DNAH6: variants seen among roughly 807,000 people sequenced by gnomAD.
DNAH6 encodes dynein axonemal heavy chain 6.
DNAH6 carries 340 observed loss-of-function variants against 491.4 expected under a neutral mutation model. That is an observed-to-expected ratio of 0.69 (90% CI 0.63 to 0.76). DNAH6 has a LOEUF of 0.76. Among genes scored for constraint, DNAH6 ranks in the 30% least tolerant of loss-of-function variants. The probability of loss-of-function intolerance (pLI) is 0.00; values close to 1 mark genes in which losing one functional copy is unlikely to be tolerated. For synonymous variants in DNAH6, 1,603 were observed against 1,686.1 expected (o/e 0.95, Z 1.21); for missense variants, 4,443 against 4,972.2 (o/e 0.89, Z 3.20).
chr2:84,625,141 A>G (rs1404985994), intron 29 of DNAH6, 78 bp downstream of exon 29: 2 of 1,309,752 alleles, frequency 1.5e-6, no homozygotes, highest in African/African-American at 3.0e-5. Flanking sequence ...ATAACAAAAT[A>G]AGGCAAGAAT....
rs761223623 is a variant in DNAH6, at chr2:84,681,362, C to G, written c.6750C>G (p.Ile2250Met). The change falls in exon 42 of 77, where the codon ATC becomes ATG. Residue 2250 changes from isoleucine to methionine, a missense_variant. Ile to Met is a conservative substitution (Grantham distance 10). Around this residue, in one of 3 missense-constraint regions of DNAH6, gnomAD observed 2,977 missense variants for 3,296.6 expected, o/e 0.90. Coordinates refer to ENST00000389394, the MANE Select transcript of DNAH6 (RefSeq NM_001370.2). ...TATTATGTTTCTGGTTCTAGGCCAT[C>G]TTAAATGGTTTCCTGAGTGACTTTC... ...EHSLKQIFQA[I>M]LNGFLSDFPP... The G allele has an allele frequency of 9.7e-6, 15 of 1,541,660 alleles. No homozygotes were observed. The South Asian group carries it at 1.8e-4, about 19-fold the overall frequency.
chr2:84,808,374 T>A, intron 71 of DNAH6, 41 bp from the exon 72 acceptor site: 2 of 1,472,906 alleles, frequency 1.4e-6, no homozygotes, highest in Non-Finnish European at 1.8e-6. Flanking sequence ...TGAGAACAAA[T>A]CAATGGTGAC....
intron 21 of DNAH6, among the ~76,000 whole-genome samples, chr2:84,610,749 G>T (rs1395942990): frequency 1.3e-5 from 2 of 152,200 alleles, no homozygotes; most frequent in African/African-American, 4.8e-5. Flanking sequence ...TGCCAACTTT[G>T]TTTCAAAGAG....
the DNAH6 span, among the ~76,000 whole-genome samples, chr2:84,471,499 A>G: frequency 6.6e-6 from 1 of 152,174 alleles, no homozygotes; most frequent in Non-Finnish European, 1.5e-5. Context: ...TTCCTGCCTA[A>G]CTATTAGGGT....
chr2:84,636,894 CA>C (rs34526526), intron 30 of DNAH6, among the ~76,000 whole-genome samples: 43 of 143,818 alleles, frequency 3.0e-4, no homozygotes, highest in East Asian at 6.0e-4. Context: ...GACCCTGTCT[CA>C]AAAAAAAAAA....
chr2:84,713,825 G>C (rs1389675884), intron 57 of DNAH6, among the ~76,000 whole-genome samples: 1 of 152,132 alleles, frequency 6.6e-6, no homozygotes, highest in East Asian at 1.9e-4. Flanking sequence ...ATGATCTAGA[G>C]GTCCAGTGTC....
At chr2:84,628,959 G>A (rs1336850847) in intron 29 of DNAH6, among the ~76,000 whole-genome samples, 2 of 152,072 alleles carry the variant, frequency 1.3e-5, no homozygotes, top group Non-Finnish European at 2.9e-5. Context: ...TTCTGAATTT[G>A]GGGGTTATTA....
At chr2:84,741,502 T>A (rs916199922) in intron 62 of DNAH6, among the ~76,000 whole-genome samples, 3 of 152,086 alleles carry the variant, frequency 2.0e-5, no homozygotes, top group African/African-American at 7.2e-5. Flanking sequence ...CAGCCCAGCA[T>A]TAAACTCTCA....
chr2:84,591,156 T>C (rs1417871113), intron 16 of DNAH6, among the ~76,000 whole-genome samples: 1 of 152,012 alleles, frequency 6.6e-6, no homozygotes, highest in East Asian at 1.9e-4. Flanking sequence ...TGTCTTGGAG[T>C]AGTGACAGGA....
intron 65 of DNAH6, among the ~76,000 whole-genome samples, chr2:84,782,219 G>A (rs916737665): frequency 2.0e-5 from 3 of 152,166 alleles, no homozygotes; most frequent in Admixed American, 6.5e-5. Flanking sequence ...AAGAGAGGAA[G>A]TGGAATTAGA....
At chr2:84,485,789 T>C in the DNAH6 span, among the ~76,000 whole-genome samples, 2 of 151,874 alleles carry the variant, frequency 1.3e-5, no homozygotes, top group Non-Finnish European at 2.9e-5. Flanking sequence ...TGAATTGATA[T>C]TTCTTTGGGA....
chr2:84,786,427 A>G (rs1327301729), intron 67 of DNAH6, among the ~76,000 whole-genome samples: 3 of 92,240 alleles, frequency 3.3e-5, no homozygotes, highest in African/African-American at 1.3e-4. Context: ...TCTGTCTCAA[A>G]AAAAAAAAAA....
chr2:84,476,067 C>CT, the DNAH6 span, among the ~76,000 whole-genome samples: 1 of 152,326 alleles, frequency 6.6e-6, no homozygotes, highest in South Asian at 2.1e-4. Context: ...AGGTTTTAAA[C>CT]TGCAAGTACT....
At position 84,677,056 on chromosome 2, in the gene DNAH6, G is replaced by T. The variant is rs1191592361; in HGVS notation, c.6664G>T (p.Val2222Leu). ...CAPPGGGRNP[V>L]TPRFIRHFSM... is the part of the protein sequence containing the mutation. ...ACCTCCAGGCGGTGGCCGCAACCCTGTGACTCCCCGCTTCATCAGACACTT... is the reference window on the plus strand; with the variant it reads ...ACCTCCAGGCGGTGGCCGCAACCCTTTGACTCCCCGCTTCATCAGACACTT... The change falls in exon 41 of 77, where the codon GTG (valine) becomes TTG (leucine). Residue 2222 changes from valine (V) to leucine (L), a missense_variant. Coordinates refer to ENST00000389394, the MANE Select transcript of DNAH6 (RefSeq NM_001370.2). 6.4e-7 allele frequency: 1 copy of T among 1,551,618 alleles called. No individual in the cohort carries two copies. The highest frequency in any genetic ancestry group is 8.7e-7 in the Non-Finnish European group (1 of 1,146,986).
At chr2:84,537,932 C>A (rs989142445) in intron 4 of DNAH6, among the ~76,000 whole-genome samples, 1 of 152,050 alleles carries the variant, frequency 6.6e-6, no homozygotes, top group Admixed American at 6.6e-5. Context: ...AGTACTGCAA[C>A]ATGATAGTAT....
At chr2:84,565,288 T>C (rs896865932) in intron 11 of DNAH6, among the ~76,000 whole-genome samples, 1 of 151,782 alleles carries the variant, frequency 6.6e-6, no homozygotes, top group African/African-American at 2.4e-5. Flanking sequence ...GCTCTTTGTA[T>C]ATCTGGTAGA....
rs2104482959 is a variant in DNAH6, at chr2:84,637,696, A to G, written c.4821+319A>G. Reference sequence around the variant, plus strand: ...TAAAATGTCTGGATTCATTACAAAAACACAGATTATTTTTATTTCTCTTTG... The same window carrying G: ...TAAAATGTCTGGATTCATTACAAAAGCACAGATTATTTTTATTTCTCTTTG... On this transcript the variant is annotated intron_variant, in intron 31 of 76. Coordinates refer to ENST00000389394, the MANE Select transcript of DNAH6 (RefSeq NM_001370.2). Among the ~76,000 whole-genome samples, 2 of 152,328 alleles carry G rather than the reference A, an allele frequency of 1.3e-5. 1 individual carries two copies. The highest frequency in any genetic ancestry group is 4.1e-4 in the South Asian group (2 of 4,826).
At chr2:84,649,285 G>A (rs1475381825) in intron 33 of DNAH6, among the ~76,000 whole-genome samples, 2 of 152,132 alleles carry the variant, frequency 1.3e-5, no homozygotes, top group Non-Finnish European at 2.9e-5. Context: ...ATCTCTGAAG[G>A]ATGCTTATAT....
intron 61 of DNAH6, among the ~76,000 whole-genome samples, chr2:84,731,195 A>G (rs1352844566): frequency 6.6e-6 from 1 of 152,138 alleles, no homozygotes; most frequent in East Asian, 1.9e-4. Context: ...AACTGCACTC[A>G]AGACTGATGC....
Sources: allele counts gnomAD v4.1 joint callset (sites outside exome capture counted in the v4.1 genomes callset), GRCh38; gene constraint gnomAD v4.1.1; regional missense constraint gnomAD v4.1.1; transcripts MANE v1.5; gene names NCBI Gene and HGNC (gene_info 2026-07-23, HGNC 2026-07-21).